SUSD1: variants seen among roughly 807,000 people sequenced by gnomAD.
SUSD1 encodes the protein sushi domain containing 1.
A neutral mutation model predicts 86.9 loss-of-function variants in SUSD1; 65 were observed. That is an observed-to-expected ratio of 0.75 (90% CI 0.61 to 0.92). SUSD1 has a LOEUF of 0.92. Among genes scored for constraint, SUSD1 ranks in the 40% least tolerant of loss-of-function variants. The pLI, the probability that SUSD1 is intolerant of heterozygous loss-of-function variation, is 0.00. For missense variants in SUSD1, 850 were observed against 929.7 expected (o/e 0.91, Z 1.11); for synonymous variants, 346 against 350.0 (o/e 0.99, Z 0.13).
chr9:112,064,046 T>TTTTTTTTTTTTTTTTTTTTGGGGG (rs1491139474), intron 12 of SUSD1, among the ~76,000 whole-genome samples: 2 of 78,656 alleles, frequency 2.5e-5, no homozygotes, highest in East Asian at 3.4e-4. Context: ...TTTCTTTTTT[T>TTTTTTTTTTTTTTTTTTTTGGGGG]GGGGGGGGGG....
At chr9:112,098,161 G>T (rs1458003983) in intron 10 of SUSD1, among the ~76,000 whole-genome samples, 1 of 152,228 alleles carries the variant, frequency 6.6e-6, no homozygotes, top group East Asian at 1.9e-4. Context: ...TACCCTTAGG[G>T]TTCAGTTGTC....
chr9:112,158,191 C>CCACA (rs749101463), intron 1 of SUSD1, among the ~76,000 whole-genome samples: 47 of 151,966 alleles, frequency 3.1e-4, no homozygotes, highest in Non-Finnish European at 5.9e-4. Context: ...CGAGCCCCAA[C>CCACA]CACACATGGT....
intron 2 of SUSD1, among the ~76,000 whole-genome samples, chr9:112,151,480 C>G (rs1471041567): frequency 6.6e-6 from 1 of 150,588 alleles, no homozygotes; most frequent in Non-Finnish European, 1.5e-5. Context: ...ACCTGTAATT[C>G]CAACTACTCA....
In SUSD1 at chr9:112,175,254, C is replaced by G. The variant is rs1157579357; in HGVS notation, c.-19G>C. 3 of 1,147,448 alleles carry G rather than the reference C, an allele frequency of 2.6e-6. No homozygotes were observed. 71.1% of individuals were successfully genotyped at this position (1,147,448 alleles called of 1,614,324 possible). Reference sequence around the variant, plus strand: ...GGCCCATGCCGCCGCCGGTCCCTCCCGGCGCGCCCGCGCCTCCTCCCGGGG... The same window carrying G: ...GGCCCATGCCGCCGCCGGTCCCTCCGGGCGCGCCCGCGCCTCCTCCCGGGG... On this transcript the variant is annotated 5_prime_UTR_variant, in exon 1 of 17. Coordinates refer to ENST00000374270, the MANE Select transcript of SUSD1 (RefSeq NM_022486.5). The surrounding 1 kb of genome is among the most constrained non-coding windows in gnomAD (Gnocchi z 4.7).
In SUSD1 at chr9:112,149,258, C is replaced by A. The variant is rs1342279599; in HGVS notation, c.359G>T (p.Gly120Val). ...TTCTTGAGTACCTGTACAAAAGGTG[C>A]CATCGTTGGGAATGAATGTCTTGTT... ...NNNKTFIPND[G>V]TFCTDIDECE... Residue 120 changes from glycine (G) to valine (V), a missense_variant, in exon 3 of 17, where the codon GGC becomes GTC. Physicochemically the swap from Gly to Val is moderately radical, Grantham distance 109. Coordinates refer to ENST00000374270, the MANE Select transcript of SUSD1 (RefSeq NM_022486.5). 1 of 1,614,120 alleles carries A rather than the reference C, an allele frequency of 6.2e-7. No individual in the cohort carries two copies. Among genetic ancestry groups the A allele is most frequent in the East Asian group, 2.2e-5 (1 of 44,880 alleles).
intron 1 of SUSD1, among the ~76,000 whole-genome samples, chr9:112,169,767 CG>C (rs1833964349): frequency 6.6e-6 from 1 of 151,796 alleles, no homozygotes; most frequent in Admixed American, 6.6e-5. Context: ...CTCCACCTCC[CG>C]GGTTCAGGCT....
intron 5 of SUSD1, among the ~76,000 whole-genome samples, chr9:112,125,573 G>A (rs1394951611): frequency 1.3e-5 from 2 of 150,464 alleles, no homozygotes; most frequent in African/African-American, 4.9e-5. Flanking sequence ...CATGGTCAGA[G>A]AAAAAAAAAG....
chr9:112,114,225 G>A (rs2131655127), intron 6 of SUSD1, among the ~76,000 whole-genome samples: 1 of 152,316 alleles, frequency 6.6e-6, no homozygotes, highest in Middle Eastern at 3.4e-3. Context: ...GCTCACGCCT[G>A]TAATCACAGC....
chr9:112,042,026 C>T (rs1827762957), intron 15 of SUSD1, 66 bp from the exon 16 acceptor site: 5 of 1,583,712 alleles, frequency 3.2e-6, no homozygotes, highest in Middle Eastern at 1.7e-4. Flanking sequence ...GAGGCACACA[C>T]CCCACTGTGC....
rs1829298785 is a variant in SUSD1, at chr9:112,072,139, TC to T, written c.1753+6398del. On this transcript the variant is annotated intron_variant, in intron 12 of 16. Coordinates refer to ENST00000374270, the MANE Select transcript of SUSD1 (RefSeq NM_022486.5). Reference sequence around the variant, plus strand: ...TTATTCTTTTTTATTTCTTTCTTTCTCTTTTTTTTTTTTTTTTGTTTTTTTT... The same window carrying T: ...TTATTCTTTTTTATTTCTTTCTTTCTTTTTTTTTTTTTTTTTGTTTTTTTT... Among the ~76,000 whole-genome samples, 227 of 126,180 alleles carry T rather than the reference TC, an allele frequency of 1.8e-3. 1 individual carries two copies. Among genetic ancestry groups the T allele is most frequent in the African/African-American group, 6.8e-3 (208 of 30,796 alleles). The allele number at this position is 126,180 out of a possible 152,430, so 82.8% of individuals were successfully genotyped here.
At chr9:112,110,995 TG>T (rs202000484) in intron 8 of SUSD1, among the ~76,000 whole-genome samples, 1 of 146,394 alleles carries the variant, frequency 6.8e-6, no homozygotes. Flanking sequence ...TTGGTTTTTT[TG>T]GGTTTTTTTT....
At chr9:112,043,097 C>T (rs1052758152) in intron 15 of SUSD1, among the ~76,000 whole-genome samples, 1 of 152,144 alleles carries the variant, frequency 6.6e-6, no homozygotes, top group African/African-American at 2.4e-5. Context: ...GAAACAAAGA[C>T]GATAATAGCC....
At position 112,102,257 on chromosome 9, in the gene SUSD1, A is replaced by C. The variant is rs543998821; in HGVS notation, c.1200T>G (p.Ser400Arg). 6.3e-7 allele frequency: 1 copy of C among 1,596,482 alleles called. No homozygotes were observed. Among genetic ancestry groups the C allele is most frequent in the South Asian group, 1.1e-5 (1 of 88,518 alleles). ...TTTCATTAAATATTGAAATATTGAA[A>C]CTTCCATCATCTTCTAAGAGATCAA... Reference protein sequence around the residue: ...AEVDLLEDDGSFNISIFNETC... With the variant: ...AEVDLLEDDGRFNISIFNETC... Residue 400 changes from serine (S) to arginine (R), a missense_variant, in exon 9 of 17, where the codon AGT (serine) becomes AGG (arginine). Ser to Arg is a moderately radical substitution (Grantham distance 110, BLOSUM62 -1). Coordinates refer to ENST00000374270, the MANE Select transcript of SUSD1 (RefSeq NM_022486.5).
At chr9:112,086,227 A>G (rs1003624097) in intron 10 of SUSD1, among the ~76,000 whole-genome samples, 8 of 151,770 alleles carry the variant, frequency 5.3e-5, no homozygotes, top group African/African-American at 1.9e-4. Flanking sequence ...CTGAGGTGGA[A>G]AGATTGCTTG....
At chr9:112,080,262 G>T in intron 10 of SUSD1, 97 bp from the exon 11 acceptor site, 1 of 777,966 alleles carries the variant, frequency 1.3e-6, no homozygotes, top group Non-Finnish European at 2.2e-6. Context: ...GTTAGCATGA[G>T]TTCAACAGTA....
intron 16 of SUSD1, 43 bp from the exon 17 acceptor site, chr9:112,041,535 A>T (rs1250634834): frequency 1.3e-6 from 1 of 780,856 alleles, no homozygotes; most frequent in South Asian, 1.3e-5. Flanking sequence ...ATATGAACAC[A>T]CTTTGGTTTT....
chr9:112,141,841 G>A (rs186703642), intron 5 of SUSD1, among the ~76,000 whole-genome samples: 1 of 136,896 alleles, frequency 7.3e-6, no homozygotes, highest in Non-Finnish European at 1.5e-5. Context: ...CCCACATGAC[G>A]TTTTTATATA....
intron 16 of SUSD1, 97 bp from the exon 17 acceptor site, chr9:112,041,589 G>A: frequency 1.3e-6 from 1 of 765,852 alleles, no homozygotes; most frequent in South Asian, 1.4e-5. Flanking sequence ...ACACCCATGG[G>A]AGGAGGCGAG....
At chr9:112,053,887 G>A (rs1828333970) in intron 14 of SUSD1, among the ~76,000 whole-genome samples, 1 of 152,236 alleles carries the variant, frequency 6.6e-6, no homozygotes, top group Non-Finnish European at 1.5e-5. Context: ...GTTCAGGCAA[G>A]AGATGACAAA....
Sources: gnomAD v4.1 joint callset for allele counts (sites outside exome capture counted in the v4.1 genomes callset) on GRCh38, gnomAD v4.1.1 for gene constraint, Gnocchi (gnomAD v3.1) non-coding constraint, MANE v1.5 for transcripts, NCBI Gene and HGNC (gene_info 2026-07-23, HGNC 2026-07-21) for gene names.